SLC24A2: variants seen among roughly 807,000 people sequenced by gnomAD.
SLC24A2 encodes solute carrier family 24 member 2.
In SLC24A2, 36 loss-of-function variants were observed where a neutral mutation model predicts 62.0. That is an observed-to-expected ratio of 0.58 (90% CI 0.44 to 0.77). The LOEUF is 0.77. Among genes scored for constraint, SLC24A2 ranks in the 30% least tolerant of loss-of-function variants. The probability of loss-of-function intolerance (pLI) is 0.00; values close to 1 mark genes in which losing one functional copy is unlikely to be tolerated. For synonymous variants in SLC24A2, 358 were observed against 294.0 expected (o/e 1.22, Z -2.23); for missense variants, 846 against 817.9 (o/e 1.03, Z -0.42).
At chr9:20,213,780 G>T in the SLC24A2 span, among the ~76,000 whole-genome samples, 17 of 152,160 alleles carry the variant, frequency 1.1e-4, no homozygotes, top group Admixed American at 1.1e-3. Context: ...ATTGGGAAAA[G>T]TTGCCAAAAA....
At position 19,593,565 on chromosome 9, in the gene SLC24A2, T is replaced by C. The variant is rs80178877; in HGVS notation, c.1129+3664A>G. Among the ~76,000 whole-genome samples, 634 of 152,306 alleles carry C rather than the reference T, an allele frequency of 4.2e-3. 7 individuals carry two copies. Among genetic ancestry groups the C allele is most frequent in the African/African-American group, 0.014 (593 of 41,546 alleles). Reference sequence around the variant, plus strand: ...TTGTTTTATTAAAATAACCTTTTCATGGCACAGTGTTCATGTAGAAAGAAA... The same window carrying C: ...TTGTTTTATTAAAATAACCTTTTCACGGCACAGTGTTCATGTAGAAAGAAA... On this transcript the variant is annotated intron_variant, in intron 5 of 10. Transcript: ENST00000341998.
chr9:19,957,102 T>G, the SLC24A2 span, among the ~76,000 whole-genome samples: 1 of 152,210 alleles, frequency 6.6e-6, no homozygotes, highest in South Asian at 2.1e-4. Flanking sequence ...TGATAAACGT[T>G]CTTGTCTAGA....
the SLC24A2 span, among the ~76,000 whole-genome samples, chr9:19,921,428 A>G: frequency 1.3e-5 from 2 of 150,886 alleles, no homozygotes; most frequent in African/African-American, 4.9e-5. Flanking sequence ...GAGGGACAGA[A>G]TGGCGTGAAC....
Position 19,786,297 on chromosome 9 carries a change from G to C in SLC24A2, c.570C>G (p.Phe190Leu). Residue 190 changes from phenylalanine to leucine, a missense_variant, in exon 2 of 11, where the codon TTC (phenylalanine) becomes TTG (leucine). Coordinates refer to ENST00000341998, the MANE Select transcript of SLC24A2 (RefSeq NM_020344.4). The surrounding 1 kb of genome is among the most constrained non-coding windows in gnomAD (Gnocchi z 5.0). Reference protein sequence around the residue: ...MAAGGSAPELFTSLIGVFIAH... With the variant: ...MAAGGSAPELLTSLIGVFIAH... The stretch of plus-strand genomic sequence containing the variant: ...CGATAAATACCCCTATGAGAGATGT[G>C]AAAAGTTCTGGGGCTGACCCTCCTG... 6.2e-7 allele frequency: 1 copy of C among 1,614,150 alleles called. No homozygotes were observed. The highest frequency in any genetic ancestry group is 8.5e-7 in the Non-Finnish European group (1 of 1,180,034).
the SLC24A2 span, among the ~76,000 whole-genome samples, chr9:20,170,764 G>GA: frequency 1.3e-5 from 2 of 151,998 alleles, no homozygotes; most frequent in Non-Finnish European, 2.9e-5. Flanking sequence ...TGAGGAAGAA[G>GA]AAAAATCTAA....
the SLC24A2 span, among the ~76,000 whole-genome samples, chr9:19,807,092 A>AT: frequency 1.3e-5 from 2 of 152,216 alleles, no homozygotes; most frequent in Non-Finnish European, 2.9e-5. Flanking sequence ...CTCATTTGAG[A>AT]TTTTCCTTTA....
chr9:20,156,016 C>A, the SLC24A2 span, among the ~76,000 whole-genome samples: 1 of 151,546 alleles, frequency 6.6e-6, no homozygotes, highest in African/African-American at 2.4e-5. Flanking sequence ...TTTATAAAAG[C>A]CTATTACTCT....
At chr9:19,895,386 T>G in the SLC24A2 span, among the ~76,000 whole-genome samples, 1,471 of 152,294 alleles carry the variant, frequency 9.7e-3, 11 homozygotes, top group Non-Finnish European at 0.017. Context: ...TCAAGATGTT[T>G]CTTGCCATTA....
At position 19,634,388 on chromosome 9, in the gene SLC24A2, A is replaced by C. The variant is rs1240712239; in HGVS notation, c.931-12089T>G. Among the ~76,000 whole-genome samples, 3 of 146,116 alleles carry C rather than the reference A, an allele frequency of 2.1e-5. No individual in the cohort carries two copies. The East Asian group carries it at 6.1e-4, about 30-fold the overall frequency. On this transcript the variant is annotated intron_variant, in intron 2 of 10. Coordinates refer to ENST00000341998, the MANE Select transcript of SLC24A2 (RefSeq NM_020344.4). ...AATGCAAACTCCACCTCCCGGTTTC[A>C]AGCAATTCTCCTGCCTCAGCCTCCT...
At chr9:20,164,139 C>A in the SLC24A2 span, among the ~76,000 whole-genome samples, 4 of 151,938 alleles carry the variant, frequency 2.6e-5, no homozygotes, top group Non-Finnish European at 2.9e-5. Context: ...AATGGGATCT[C>A]ATTAAACTAA....
chr9:20,194,773 T>C, the SLC24A2 span, among the ~76,000 whole-genome samples: 1 of 152,072 alleles, frequency 6.6e-6, no homozygotes, highest in South Asian at 2.1e-4. Context: ...ATTTGATTAT[T>C]AAATGCAGAA....
At chr9:19,645,539 T>C (rs1432352545) in intron 2 of SLC24A2, among the ~76,000 whole-genome samples, 3 of 152,090 alleles carry the variant, frequency 2.0e-5, no homozygotes, top group Admixed American at 2.0e-4. Flanking sequence ...TTTAAAAACA[T>C]AGTGGCAATG....
the SLC24A2 span, among the ~76,000 whole-genome samples, chr9:20,031,655 G>A: frequency 3.3e-5 from 5 of 151,986 alleles, no homozygotes; most frequent in Non-Finnish European, 7.4e-5. Flanking sequence ...GCTGTAAAAG[G>A]TGTCACTACA....
At chr9:19,886,965 C>T in the SLC24A2 span, among the ~76,000 whole-genome samples, 5 of 152,210 alleles carry the variant, frequency 3.3e-5, no homozygotes, top group South Asian at 6.2e-4. Flanking sequence ...GAAAACAAAA[C>T]ACCACATGTT....
chr9:19,661,670 A>T (rs997691315), intron 2 of SLC24A2, among the ~76,000 whole-genome samples: 3 of 152,180 alleles, frequency 2.0e-5, no homozygotes, highest in African/African-American at 7.2e-5. Context: ...AGGAATAATC[A>T]ATCCTCTGAG....
At chr9:19,990,034 G>A in the SLC24A2 span, among the ~76,000 whole-genome samples, 2 of 152,166 alleles carry the variant, frequency 1.3e-5, no homozygotes. Context: ...CTAGGGCTCA[G>A]TTCTTTAGAG....
chr9:19,935,765 A>T, the SLC24A2 span, among the ~76,000 whole-genome samples: 1 of 152,194 alleles, frequency 6.6e-6, no homozygotes, highest in Non-Finnish European at 1.5e-5. Flanking sequence ...TGAGGAACTC[A>T]TAGGGAAGGG....
the SLC24A2 span, among the ~76,000 whole-genome samples, chr9:19,946,619 T>C: frequency 6.6e-6 from 1 of 152,224 alleles, no homozygotes; most frequent in Non-Finnish European, 1.5e-5. Flanking sequence ...CCTGAGTTAA[T>C]GAGACAACCT....
the SLC24A2 span, among the ~76,000 whole-genome samples, chr9:20,001,290 T>C: frequency 2.0e-5 from 3 of 152,206 alleles, no homozygotes; most frequent in Admixed American, 1.3e-4. Flanking sequence ...GAGAGTGCTC[T>C]GCATGCCTCA....
Sources: allele counts gnomAD v4.1 joint callset (sites outside exome capture counted in the v4.1 genomes callset), GRCh38; gene constraint gnomAD v4.1.1; non-coding constraint Gnocchi (gnomAD v3.1); transcripts MANE v1.5; gene names NCBI Gene and HGNC (gene_info 2026-07-23, HGNC 2026-07-21).